CSMD3: variants seen among roughly 807,000 people sequenced by gnomAD.
CSMD3 encodes the protein CUB and Sushi multiple domains 3.
In CSMD3, 177 loss-of-function variants were observed where a neutral mutation model predicts 435.2. The ratio of observed to expected loss-of-function variants is 0.41; its 90% confidence interval spans 0.36 to 0.46. The LOEUF (loss-of-function observed/expected upper bound fraction) is 0.46. CSMD3 is among the 20% of genes least tolerant of loss of function. The pLI is 0.34. For missense variants in CSMD3, 4,265 were observed against 4,504.6 expected, an observed-to-expected ratio of 0.95 and a Z score of 1.52; for synonymous variants, 1,656 against 1,520.5, an observed-to-expected ratio of 1.09 and a Z score of -2.07.
Position 113,088,223 on chromosome 8 carries a change from A to G in CSMD3, c.917+10533T>C, listed in dbSNP as rs899770876. Among the ~76,000 whole-genome samples, 761 of 150,764 alleles carry G rather than the reference A, an allele frequency of 5.0e-3. 9 individuals carry two copies. Among genetic ancestry groups the G allele is most frequent in the African/African-American group, 0.018 (728 of 40,880 alleles). On this transcript the variant is annotated intron_variant, in intron 5 of 70. Coordinates refer to ENST00000297405, the MANE Select transcript of CSMD3 (RefSeq NM_198123.2). Reference sequence around the variant, plus strand: ...AGTCAGGAAACAACAGGTTCTGGAGAGGATGTGGAGAAATAGGAACACTTT... The same window carrying G: ...AGTCAGGAAACAACAGGTTCTGGAGGGGATGTGGAGAAATAGGAACACTTT...
intron 32 of CSMD3, among the ~76,000 whole-genome samples, chr8:112,469,858 G>C (rs1015148956): frequency 1.3e-5 from 2 of 152,080 alleles, no homozygotes; most frequent in Non-Finnish European, 2.9e-5. Flanking sequence ...ATAGAAGAAG[G>C]AATGATCATA....
chr8:112,332,285 T>A (rs1824141183), intron 45 of CSMD3, among the ~76,000 whole-genome samples: 1 of 147,702 alleles, frequency 6.8e-6, no homozygotes, highest in South Asian at 2.1e-4. Flanking sequence ...GTGATCACCA[T>A]GAGTTCAAAT....
intron 5 of CSMD3, among the ~76,000 whole-genome samples, chr8:113,046,210 G>A (rs1443002863): frequency 6.7e-6 from 1 of 148,644 alleles, no homozygotes; most frequent in Admixed American, 6.7e-5. Context: ...CCAACCACAC[G>A]AGGTGCGACC....
chr8:112,975,733 T>C, intron 7 of CSMD3, 104 bp downstream of exon 7: 1 of 1,564,934 alleles, frequency 6.4e-7, no homozygotes. Flanking sequence ...TTCTTTTGCT[T>C]TCTATATCTT....
chr8:112,988,041 C>T lies in CSMD3; in HGVS notation c.1031-11893G>A, dbSNP rs78678368. Among the ~76,000 whole-genome samples the T allele has an allele frequency of 6.6e-3, 1,000 of 151,992 alleles. 12 individuals carry two copies. The highest frequency in any genetic ancestry group is 0.023 in the African/African-American group (960 of 41,492). ...TATTCTCACATTTGGCTAGGATTTC[C>T]TCACTCAGGCTTATCATGGAAAGAA... is the stretch of plus-strand genomic sequence containing the variant. On this transcript the variant is annotated intron_variant, in intron 6 of 70. Coordinates refer to ENST00000297405, the MANE Select transcript of CSMD3 (RefSeq NM_198123.2).
At chr8:112,594,518 A>T (rs1031143618) in intron 22 of CSMD3, among the ~76,000 whole-genome samples, 35 of 152,308 alleles carry the variant, frequency 2.3e-4, no homozygotes, top group African/African-American at 8.2e-4. Context: ...AGCCCACCAC[A>T]GCTCAAGGAG....
chr8:112,599,763 G>A (rs1178181652), intron 22 of CSMD3, among the ~76,000 whole-genome samples: 8 of 149,846 alleles, frequency 5.3e-5, no homozygotes, highest in Non-Finnish European at 7.4e-5. Context: ...GTAAACTATC[G>A]CAAGAAGAAA....
intron 38 of CSMD3, among the ~76,000 whole-genome samples, chr8:112,360,648 A>G (rs1264592014): frequency 6.6e-6 from 1 of 151,904 alleles, no homozygotes; most frequent in Non-Finnish European, 1.5e-5. Flanking sequence ...ATAATAACAT[A>G]AATTATTTTT....
At chr8:112,652,392 G>T (rs563207162) in intron 18 of CSMD3, among the ~76,000 whole-genome samples, 6 of 152,196 alleles carry the variant, frequency 3.9e-5, no homozygotes, top group African/African-American at 1.4e-4. Flanking sequence ...CTCTAACATT[G>T]TAGTAAAATC....
At chr8:113,206,572 G>A (rs772719010) in intron 3 of CSMD3, among the ~76,000 whole-genome samples, 22 of 151,544 alleles carry the variant, frequency 1.5e-4, no homozygotes, top group Non-Finnish European at 1.8e-4. Flanking sequence ...CCAGTACCCC[G>A]AAACCCCTCA....
intron 54 of CSMD3, among the ~76,000 whole-genome samples, chr8:112,295,572 AATTT>A (rs1253513229): frequency 1.3e-5 from 2 of 151,646 alleles, no homozygotes; most frequent in Non-Finnish European, 2.9e-5. Context: ...TAAGAATATT[AATTT>A]ATCAATATTA....
intron 59 of CSMD3, among the ~76,000 whole-genome samples, chr8:112,271,623 G>C (rs1190617143): frequency 1.3e-5 from 2 of 152,088 alleles, no homozygotes; most frequent in Non-Finnish European, 2.9e-5. Context: ...CCATGGAAAA[G>C]AAAGTTGTTT....
intron 27 of CSMD3, among the ~76,000 whole-genome samples, chr8:112,546,134 T>A (rs567795104): frequency 3.3e-5 from 5 of 152,342 alleles, no homozygotes; most frequent in African/African-American, 1.2e-4. Context: ...CAGGACAATT[T>A]AATTAGACCT....
chr8:113,046,902 C>G (rs1343584184), intron 5 of CSMD3, among the ~76,000 whole-genome samples: 4 of 152,194 alleles, frequency 2.6e-5, no homozygotes, highest in Non-Finnish European at 5.9e-5. Context: ...GGACATGATG[C>G]TAAGCAGGTC....
Position 112,656,279 on chromosome 8 carries a change from G to A in CSMD3, c.2879C>T (p.Pro960Leu), listed in dbSNP as rs1439589330. 1.9e-6 allele frequency: 3 copies of A among 1,613,394 alleles called. No homozygotes were observed. The highest frequency in any genetic ancestry group is 1.3e-5 in the African/African-American group (1 of 75,000). The change falls in exon 18 of 71, where the codon CCC (proline) becomes CTC (leucine). Residue 960 changes from proline to leucine, a missense_variant. Pro to Leu is a moderately conservative substitution (Grantham distance 98). Coordinates refer to ENST00000297405, the MANE Select transcript of CSMD3 (RefSeq NM_198123.2). ...GGTGCCATTGTAAGATCCAAGCAAG[G>A]GTGACAGAAGATTTGGCCCATCATG... is the stretch of plus-strand genomic sequence containing the variant. The part of the protein sequence containing the change: ...EVHDGPNLLS[P>L]LLGSYNGTQV...
intron 24 of CSMD3, among the ~76,000 whole-genome samples, chr8:112,566,683 A>G (rs543147353): frequency 6.6e-6 from 1 of 150,836 alleles, no homozygotes; most frequent in African/African-American, 2.4e-5. Flanking sequence ...CAATAGAAAA[A>G]GGCTATTTGG....
chr8:113,255,637 G>C (rs745501506), intron 3 of CSMD3, among the ~76,000 whole-genome samples: 4 of 151,836 alleles, frequency 2.6e-5, no homozygotes, highest in Non-Finnish European at 4.4e-5. Context: ...AATAATATTA[G>C]AAGTACAATG....
intron 4 of CSMD3, among the ~76,000 whole-genome samples, chr8:113,171,202 T>C (rs2092261373): frequency 6.6e-6 from 1 of 152,128 alleles, no homozygotes; most frequent in Admixed American, 6.6e-5. Context: ...TGATGTTTTA[T>C]GAATGCTATT....
chr8:112,329,576 C>T (rs1670249883), intron 45 of CSMD3, among the ~76,000 whole-genome samples: 1 of 152,100 alleles, frequency 6.6e-6, no homozygotes, highest in East Asian at 1.9e-4. Context: ...TCTCCTGACA[C>T]ACTTTTGCTG....
Sources: gnomAD v4.1 joint callset for allele counts (sites outside exome capture counted in the v4.1 genomes callset) on GRCh38, gnomAD v4.1.1 for gene constraint, MANE v1.5 for transcripts, NCBI Gene and HGNC (gene_info 2026-07-23, HGNC 2026-07-21) for gene names.